The following PLEKHD1 variants were observed in gnomAD, a reference collection of about 807,000 sequenced individuals.
PLEKHD1 encodes the protein pleckstrin homology and coiled-coil domain containing D1.
A neutral mutation model predicts 69.2 loss-of-function variants in PLEKHD1; 51 were observed. The ratio of observed to expected loss-of-function variants is 0.74; its 90% CI spans 0.59 to 0.93. PLEKHD1 has a LOEUF of 0.93. Among genes scored for constraint, PLEKHD1 ranks in the 40% least tolerant of loss-of-function variants. The probability of loss-of-function intolerance (pLI) is 0.00; values close to 1 mark genes in which losing one functional copy is unlikely to be tolerated. For synonymous variants in PLEKHD1, 236 were observed against 244.7 expected (o/e 0.96, Z 0.33); for missense variants, 584 against 641.0 (o/e 0.91, Z 0.96).
rs1031014301 is a variant in PLEKHD1, at chr14:69,527,749, C to T, written c.1202-34C>T. ...GACTGGCTGGGGGTAAGGATGCAGTCGGAACCCCACCCTTCCTGGCCCTGC... is the reference window on the plus strand; with the variant it reads ...GACTGGCTGGGGGTAAGGATGCAGTTGGAACCCCACCCTTCCTGGCCCTGC... On this transcript the variant is annotated intron_variant, in intron 11 of 12. Coordinates refer to ENST00000322564, the MANE Select transcript of PLEKHD1 (RefSeq NM_001161498.2). 2.2e-5 allele frequency: 34 copies of T among 1,549,758 alleles called. No homozygotes were observed. In the East Asian group the frequency reaches 2.4e-4, roughly 11 times the overall value.
At chr14:69,502,650 G>T in intron 5 of PLEKHD1, 177 bp from the exon 6 acceptor site, 3 of 663,154 alleles carry the variant, frequency 4.5e-6, no homozygotes, top group Non-Finnish European at 7.7e-6. Flanking sequence ...ATGGGGGAAG[G>T]AGGGTGGCAG....
At chr14:69,484,178 C>A (rs1882599665), upstream of PLEKHD1, among the ~76,000 whole-genome samples, 1 of 152,192 alleles carries the variant, frequency 6.6e-6, no homozygotes, top group African/African-American at 2.4e-5. Flanking sequence ...CCTCCCCATG[C>A]GGGCACTTTG....
chr14:69,482,735 A>T (rs892087073), upstream of PLEKHD1, among the ~76,000 whole-genome samples: 1 of 152,036 alleles, frequency 6.6e-6, no homozygotes, highest in African/African-American at 2.4e-5. Flanking sequence ...TGACTGGTGA[A>T]CTCCAGACCA....
intron 6 of PLEKHD1, among the ~76,000 whole-genome samples, chr14:69,509,461 T>G (rs529527917): frequency 6.6e-6 from 1 of 152,246 alleles, no homozygotes. Context: ...AAAAATCTTT[T>G]TGTAGACATC....
At chr14:69,520,990 G>A (rs1883501266) in intron 6 of PLEKHD1, among the ~76,000 whole-genome samples, 1 of 152,310 alleles carries the variant, frequency 6.6e-6, no homozygotes, top group East Asian at 1.9e-4. Flanking sequence ...GTGAGAGCTG[G>A]GCTTGGTGGC....
At position 69,501,724 on chromosome 14, in the gene PLEKHD1, C is replaced by G; in HGVS notation, c.411-10C>G. The G allele has an allele frequency of 6.5e-7, 1 of 1,546,792 alleles. No homozygotes were observed. Among genetic ancestry groups the G allele is most frequent in the Non-Finnish European group, 8.7e-7 (1 of 1,143,358 alleles). On this transcript the variant is annotated splice_polypyrimidine_tract_variant and intron_variant, in intron 4 of 12. Transcript: ENST00000322564. ...TTCTCTCCTCTGTCCCATCTGCCCT[C>G]CCTCCCCAGGACCTGGAAGAATGCC...
Position 69,528,339 on chromosome 14 carries a change from C to A in PLEKHD1, c.1441C>A (p.Gln481Lys). The A allele has an allele frequency of 6.4e-7, 1 of 1,551,724 alleles. No individual in the cohort carries two copies. The highest frequency in any genetic ancestry group is 8.7e-7 in the Non-Finnish European group (1 of 1,146,992). ...KEVAKRLSRD[Q>K]RFRESIYHIM... ...GGTGGCCAAGCGGCTCAGCAGGGACCAGCGCTTCCGGGAATCCATCTACCA... is the reference window on the plus strand; with the variant it reads ...GGTGGCCAAGCGGCTCAGCAGGGACAAGCGCTTCCGGGAATCCATCTACCA... The change falls in exon 13 of 13, where the codon CAG becomes AAG. Residue 481 changes from glutamine to lysine, a missense_variant. Coordinates refer to ENST00000322564, the MANE Select transcript of PLEKHD1 (RefSeq NM_001161498.2).
chr14:69,479,165 A>G, the PLEKHD1 span, among the ~76,000 whole-genome samples: 1 of 152,242 alleles, frequency 6.6e-6, no homozygotes, highest in East Asian at 1.9e-4. Context: ...CCTTTTTAAA[A>G]CCATCAGATC....
intron 9 of PLEKHD1, 110 bp from the exon 10 acceptor site, chr14:69,526,587 G>T (rs1002809909): frequency 2.3e-6 from 3 of 1,328,560 alleles, no homozygotes; most frequent in Admixed American, 3.2e-5. Flanking sequence ...GGCTCATAAA[G>T]CCTGGGATTC....
intron 6 of PLEKHD1, among the ~76,000 whole-genome samples, chr14:69,504,199 G>A (rs1043892012): frequency 9.9e-5 from 15 of 152,208 alleles, no homozygotes; most frequent in Non-Finnish European, 1.9e-4. Flanking sequence ...CATTATGATC[G>A]TATTATTAAT....
intron 1 of PLEKHD1, among the ~76,000 whole-genome samples, chr14:69,496,019 C>A (rs893223004): frequency 6.6e-6 from 1 of 152,214 alleles, no homozygotes; most frequent in African/African-American, 2.4e-5. Flanking sequence ...GCTTGGCACA[C>A]AGTGGCAACT....
intron 6 of PLEKHD1, among the ~76,000 whole-genome samples, chr14:69,515,093 A>G (rs1390317185): frequency 6.6e-6 from 1 of 152,092 alleles, no homozygotes; most frequent in East Asian, 1.9e-4. Context: ...AGCTACATGG[A>G]AGGCTGAGGC....
chr14:69,486,533 T>G (rs1026954476), intron 1 of PLEKHD1, among the ~76,000 whole-genome samples: 4 of 152,050 alleles, frequency 2.6e-5, no homozygotes, highest in Admixed American at 1.3e-4. Context: ...AGAGCTGGGG[T>G]GGAAAGGCTG....
chr14:69,502,075 C>T, intron 5 of PLEKHD1: 1 of 404,902 alleles, frequency 2.5e-6, no homozygotes, highest in East Asian at 4.5e-5. Context: ...TGTCACCCAT[C>T]TCAGCTGTGT....
chr14:69,523,516 G>A (rs1362135547), intron 7 of PLEKHD1, among the ~76,000 whole-genome samples: 2 of 152,156 alleles, frequency 1.3e-5, no homozygotes, highest in African/African-American at 2.4e-5. Flanking sequence ...GGTATTAGAA[G>A]GAATAGAAGA....
At chr14:69,489,907 C>T (rs1009462866) in intron 1 of PLEKHD1, among the ~76,000 whole-genome samples, 1 of 152,144 alleles carries the variant, frequency 6.6e-6, no homozygotes, top group Admixed American at 6.5e-5. Context: ...CCTTCTGTCA[C>T]CAAGGCTGGA....
At chr14:69,492,066 G>A (rs947856940) in intron 1 of PLEKHD1, among the ~76,000 whole-genome samples, 5 of 152,124 alleles carry the variant, frequency 3.3e-5, no homozygotes, top group South Asian at 2.1e-4. Context: ...AAGAAGTCCA[G>A]CGTCTTCACA....
At chr14:69,497,326 T>C (rs1309599170) in intron 1 of PLEKHD1, among the ~76,000 whole-genome samples, 1 of 152,232 alleles carries the variant, frequency 6.6e-6, no homozygotes, top group African/African-American at 2.4e-5. Context: ...TCTTAACTAC[T>C]CTATGAAATT....
chr14:69,490,952 G>C (rs1882765656), intron 1 of PLEKHD1, among the ~76,000 whole-genome samples: 1 of 152,166 alleles, frequency 6.6e-6, no homozygotes, highest in African/African-American at 2.4e-5. Flanking sequence ...AGCCAGGCTG[G>C]ATGTTCGCCT....
Sources: allele counts gnomAD v4.1 joint callset (sites outside exome capture counted in the v4.1 genomes callset), GRCh38; gene constraint gnomAD v4.1.1; transcripts MANE v1.5; gene names NCBI Gene and HGNC (gene_info 2026-07-23, HGNC 2026-07-21).